Variants in ZNF831 observed in about 807,000 individuals in gnomAD.
ZNF831 encodes zinc finger protein 831.
A neutral mutation model predicts 95.8 loss-of-function variants in ZNF831; 59 were observed. The ratio of observed to expected loss-of-function variants is 0.62; its 90% CI spans 0.50 to 0.77. The LOEUF (loss-of-function observed/expected upper bound fraction) is 0.77. ZNF831 is among the 30% of genes least tolerant of loss of function. ZNF831 has a pLI of 0.00. For synonymous variants in ZNF831, 961 were observed against 925.5 expected (o/e 1.04, Z -0.70); for missense variants, 2,205 against 2,164.0 (o/e 1.02, Z -0.38).
At chr20:59,195,062 A>T (rs1294968697) in intron 2 of ZNF831, among the ~76,000 whole-genome samples, 1 of 152,244 alleles carries the variant, frequency 6.6e-6, no homozygotes, top group Non-Finnish European at 1.5e-5. Context: ...TGGTAACAGA[A>T]GCAAAAAGTA....
At chr20:59,189,421 A>G (rs1327788428) in intron 1 of ZNF831, among the ~76,000 whole-genome samples, 1 of 152,198 alleles carries the variant, frequency 6.6e-6, no homozygotes, top group Non-Finnish European at 1.5e-5. Flanking sequence ...CAATTTTTGA[A>G]AATTTAACAA....
intron 3 of ZNF831, among the ~76,000 whole-genome samples, chr20:59,199,219 C>T (rs1298836574): frequency 1.3e-5 from 2 of 151,870 alleles, no homozygotes; most frequent in Admixed American, 6.6e-5. Context: ...TCTTAATGTT[C>T]TACAGAAAAT....
intron 1 of ZNF831, among the ~76,000 whole-genome samples, chr20:59,190,377 C>T (rs764369066): frequency 5.3e-5 from 8 of 152,226 alleles, no homozygotes; most frequent in Non-Finnish European, 1.0e-4. Flanking sequence ...CATTGTTTAT[C>T]AAATTTAACT....
At chr20:59,136,047 T>C (rs945513912) in intron 1 of ZNF831, among the ~76,000 whole-genome samples, 3 of 152,196 alleles carry the variant, frequency 2.0e-5, no homozygotes, top group Non-Finnish European at 2.9e-5. Context: ...ATTCAGCTTG[T>C]CATCAGAATT....
chr20:59,173,006 G>A (rs1174953175), intron 1 of ZNF831, among the ~76,000 whole-genome samples: 1 of 152,206 alleles, frequency 6.6e-6, no homozygotes, highest in Non-Finnish European at 1.5e-5. Context: ...GGGGCTTGTT[G>A]TGGTGGGTTC....
intron 1 of ZNF831, among the ~76,000 whole-genome samples, chr20:59,190,544 A>T (rs1180214519): frequency 1.3e-5 from 2 of 152,260 alleles, no homozygotes; most frequent in African/African-American, 4.8e-5. Context: ...GTCCCAGAGA[A>T]GAAAAGGGAT....
chr20:59,125,560 G>A (rs1476072353), intron 1 of ZNF831, among the ~76,000 whole-genome samples: 1 of 152,162 alleles, frequency 6.6e-6, no homozygotes, highest in Non-Finnish European at 1.5e-5. Flanking sequence ...AACGTGTTCT[G>A]TGGAGGAGGA....
In ZNF831 at chr20:59,191,864, C is replaced by A. The variant is rs1368202328; in HGVS notation, c.845C>A (p.Ser282Tyr). Reference protein sequence around the residue: ...AFADREAPWDSAPMASPGLPA... With the variant: ...AFADREAPWDYAPMASPGLPA... The stretch of plus-strand genomic sequence containing the variant: ...GCCGACAGAGAGGCTCCTTGGGACT[C>A]TGCCCCCATGGCGTCACCTGGGCTC... Residue 282 changes from serine to tyrosine, a missense_variant, in exon 2 of 6, where the codon TCT becomes TAT. Ser to Tyr is a moderately radical substitution (Grantham distance 144, BLOSUM62 -2). Transcript: ENST00000371030. 1 of 1,613,198 alleles carries A rather than the reference C, an allele frequency of 6.2e-7. No homozygotes were observed. The highest frequency in any genetic ancestry group is 2.2e-5 in the East Asian group (1 of 44,856).
At chr20:59,188,567 G>A (rs761478331) in intron 1 of ZNF831, among the ~76,000 whole-genome samples, 135 of 152,272 alleles carry the variant, frequency 8.9e-4, no homozygotes, top group Middle Eastern at 3.4e-3. Context: ...TGAGGCATGA[G>A]AATCGCTTGA....
rs1465725868 is a variant in ZNF831, at chr20:59,191,381, T to C, written c.362T>C (p.Leu121Pro). The C allele has an allele frequency of 6.2e-7, 1 of 1,609,700 alleles. No homozygotes were observed. The highest frequency in any genetic ancestry group is 8.5e-7 in the Non-Finnish European group (1 of 1,178,200). Residue 121 changes from leucine (L) to proline (P), a missense_variant, in exon 2 of 6, where the codon CTG becomes CCG. Coordinates refer to ENST00000371030, the MANE Select transcript of ZNF831 (RefSeq NM_178457.3). ...PTLTVNIVGTLPVLSPGLGPT... is the reference protein window; with the variant it reads ...PTLTVNIVGTPPVLSPGLGPT... Reference sequence around the variant, plus strand: ...CTGACGGTGAACATCGTGGGCACTCTGCCTGTCCTGTCGCCGGGCCTGGGC... The same window carrying C: ...CTGACGGTGAACATCGTGGGCACTCCGCCTGTCCTGTCGCCGGGCCTGGGC...
chr20:59,165,068 CAG>C (rs755738844), intron 1 of ZNF831, among the ~76,000 whole-genome samples: 8 of 152,162 alleles, frequency 5.3e-5, no homozygotes, highest in Non-Finnish European at 1.0e-4. Context: ...TAATATTAAT[CAG>C]AGAGAACACT....
chr20:59,228,837 C>T (rs1276762039), intron 4 of ZNF831, among the ~76,000 whole-genome samples: 1 of 152,170 alleles, frequency 6.6e-6, no homozygotes, highest in Non-Finnish European at 1.5e-5. Context: ...AATCTTCTAG[C>T]TATTTTGAAA....
chr20:59,192,160 C>A lies in ZNF831; in HGVS notation c.1141C>A (p.Pro381Thr). The A allele has an allele frequency of 6.4e-7, 1 of 1,560,360 alleles. No homozygotes were observed. The highest frequency in any genetic ancestry group is 8.6e-7 in the Non-Finnish European group (1 of 1,159,368). The change falls in exon 2 of 6, where the codon CCG becomes ACG. Residue 381 changes from proline to threonine, a missense_variant. By Grantham distance (38) the Pro-to-Thr change is conservative (BLOSUM62 -1). Transcript: ENST00000371030. The surrounding 1 kb of genome is among the most constrained non-coding windows in gnomAD (Gnocchi z 5.2). ...GTCCGAGGGGGAGGGCGGCCCGGGCCCGGGGCCAGGGGTCGCAGGGGCCGA... is the reference window on the plus strand; with the variant it reads ...GTCCGAGGGGGAGGGCGGCCCGGGCACGGGGCCAGGGGTCGCAGGGGCCGA... The part of the protein sequence containing the change: ...AESEGEGGPG[P>T]GPGVAGAEPG...
At chr20:59,234,543 C>A (rs760206265) in intron 4 of ZNF831, among the ~76,000 whole-genome samples, 15 of 152,084 alleles carry the variant, frequency 9.9e-5, no homozygotes, top group Non-Finnish European at 1.3e-4. Flanking sequence ...GGAATGATAC[C>A]CTGACGGTAA....
At chr20:59,189,271 T>C (rs1423011406) in intron 1 of ZNF831, among the ~76,000 whole-genome samples, 1 of 152,214 alleles carries the variant, frequency 6.6e-6, no homozygotes, top group African/African-American at 2.4e-5. Context: ...TCTAAGAGTT[T>C]TATAACTTTA....
intron 2 of ZNF831, among the ~76,000 whole-genome samples, chr20:59,147,869 C>T (rs1979962905): frequency 6.6e-6 from 1 of 152,182 alleles, no homozygotes; most frequent in Non-Finnish European, 1.5e-5. Flanking sequence ...AGCTGAAATG[C>T]AGGCATGATT....
At chr20:59,129,046 G>A (rs1321719663) in intron 1 of ZNF831, among the ~76,000 whole-genome samples, 2 of 152,320 alleles carry the variant, frequency 1.3e-5, no homozygotes, top group South Asian at 2.1e-4. Context: ...TTATAGGCAT[G>A]AGCCACCGTG....
chr20:59,170,576 T>C (rs918896622), intron 1 of ZNF831, among the ~76,000 whole-genome samples: 1 of 152,216 alleles, frequency 6.6e-6, no homozygotes, highest in Non-Finnish European at 1.5e-5. Context: ...GATGTAGCAG[T>C]CTGGGTCCAA....
chr20:59,216,518 C>T (rs979946383), intron 4 of ZNF831, among the ~76,000 whole-genome samples: 1 of 152,158 alleles, frequency 6.6e-6, no homozygotes, highest in African/African-American at 2.4e-5. Flanking sequence ...CCCGGAAACC[C>T]TGCATTTCTA....
Sources: gnomAD v4.1 joint callset for allele counts (sites outside exome capture counted in the v4.1 genomes callset) on GRCh38, gnomAD v4.1.1 for gene constraint, Gnocchi (gnomAD v3.1) non-coding constraint, MANE v1.5 for transcripts, NCBI Gene and HGNC (gene_info 2026-07-23, HGNC 2026-07-21) for gene names.